EPSTI1: variants seen among roughly 807,000 people sequenced by gnomAD.
EPSTI1 encodes the protein epithelial stromal interaction 1.
In EPSTI1, 66 loss-of-function variants were observed where a neutral mutation model predicts 49.9. That is an observed-to-expected ratio of 1.32 (90% CI 1.08 to 1.62). The LOEUF (loss-of-function observed/expected upper bound fraction) is 1.62. EPSTI1 is among the 40% of genes most tolerant of loss of function. EPSTI1 has a pLI of 0.00. For synonymous variants in EPSTI1, 137 were observed against 130.7 expected (o/e 1.05, Z -0.33); for missense variants, 394 against 365.5 (o/e 1.08, Z -0.64).
intron 6 of EPSTI1, among the ~76,000 whole-genome samples, chr13:42,938,913 T>TTAAAAAAAAAAAAAAAA (rs2038655068): frequency 3.0e-4 from 1 of 3,308 alleles, no homozygotes; most frequent in Non-Finnish European, 5.9e-4. Flanking sequence ...AGACTCTGTC[T>TTAAAAAAAAAAAAAAAA]CAAAAAAAAA....
intron 5 of EPSTI1, among the ~76,000 whole-genome samples, chr13:42,955,112 T>C (rs1216714994): frequency 6.6e-6 from 1 of 152,148 alleles, no homozygotes; most frequent in Non-Finnish European, 1.5e-5. Context: ...AAATCAATTA[T>C]AAGGCAAGCA....
intron 1 of EPSTI1, 24 bp from the exon 2 acceptor site, chr13:42,970,694 G>C: frequency 1.3e-6 from 2 of 1,584,786 alleles, no homozygotes; most frequent in South Asian, 1.2e-5. Flanking sequence ...AAAAAAAAAT[G>C]CTTATTACCA....
At chr13:42,907,099 T>C (rs1488470537) in intron 8 of EPSTI1, among the ~76,000 whole-genome samples, 1 of 152,210 alleles carries the variant, frequency 6.6e-6, no homozygotes, top group Admixed American at 6.5e-5. Context: ...TCTTATCTAA[T>C]TGTAACTTTG....
At chr13:42,962,894 A>T (rs2039498266) in intron 5 of EPSTI1, among the ~76,000 whole-genome samples, 1 of 152,262 alleles carries the variant, frequency 6.6e-6, no homozygotes. Flanking sequence ...GATGGGTATT[A>T]AATGACAACG....
chr13:42,912,234 C>T (rs746009207), intron 8 of EPSTI1, among the ~76,000 whole-genome samples: 8 of 152,224 alleles, frequency 5.3e-5, no homozygotes, highest in Non-Finnish European at 8.8e-5. Context: ...AGTCCACCTG[C>T]TTCTGAAGGA....
At chr13:42,925,192 C>G (rs548274494) in intron 7 of EPSTI1, among the ~76,000 whole-genome samples, 1 of 152,198 alleles carries the variant, frequency 6.6e-6, no homozygotes, top group South Asian at 2.1e-4. Context: ...GATACAGAAG[C>G]CTTGGGGGGC....
chr13:42,889,545 A>G (rs552844267), intron 10 of EPSTI1, among the ~76,000 whole-genome samples: 18 of 152,302 alleles, frequency 1.2e-4, no homozygotes, highest in Non-Finnish European at 1.9e-4. Flanking sequence ...ATTGAGGCAT[A>G]GCTTTCCTCT....
chr13:42,889,222 C>T (rs777547704), intron 10 of EPSTI1: 3 of 1,560,360 alleles, frequency 1.9e-6, no homozygotes, highest in East Asian at 2.3e-5. Flanking sequence ...TTAGGTGCCT[C>T]GAAAAAACTA....
At chr13:42,990,958 G>A (rs1362737420) in intron 1 of EPSTI1, 1 of 152,234 alleles carries the variant, frequency 6.6e-6, no homozygotes, top group Non-Finnish European at 1.5e-5. Context: ...TAGAAAGAGA[G>A]GCTCATGACA....
chr13:42,960,682 G>T (rs1290710105), intron 5 of EPSTI1, among the ~76,000 whole-genome samples: 3 of 152,202 alleles, frequency 2.0e-5, no homozygotes, highest in Non-Finnish European at 4.4e-5. Context: ...GTGCCAGAAA[G>T]GCTGTGTTCC....
chr13:42,948,261 AGGCCTG>A (rs1443652214), intron 6 of EPSTI1, among the ~76,000 whole-genome samples: 1 of 152,212 alleles, frequency 6.6e-6, no homozygotes, highest in Non-Finnish European at 1.5e-5. Context: ...CTCTGCATCA[AGGCCTG>A]GGCCCTGCCA....
chr13:42,971,597 C>A (rs919399598), intron 1 of EPSTI1, among the ~76,000 whole-genome samples: 77 of 132,576 alleles, frequency 5.8e-4, no homozygotes, highest in African/African-American at 2.0e-3. Flanking sequence ...CAGCTTCTAA[C>A]TGTAGGATTT....
intron 8 of EPSTI1, among the ~76,000 whole-genome samples, chr13:42,906,320 G>A (rs1424515330): frequency 6.6e-6 from 1 of 152,222 alleles, no homozygotes; most frequent in Non-Finnish European, 1.5e-5. Context: ...ATGTGACAAG[G>A]TTAGAGGGAA....
intron 5 of EPSTI1, among the ~76,000 whole-genome samples, chr13:42,959,547 C>T (rs2039379718): frequency 6.6e-6 from 1 of 152,192 alleles, no homozygotes; most frequent in East Asian, 1.9e-4. Flanking sequence ...TAACATGTAC[C>T]TGTATGCAGC....
At chr13:42,889,748 G>A (rs2036972989) in intron 10 of EPSTI1, among the ~76,000 whole-genome samples, 1 of 152,102 alleles carries the variant, frequency 6.6e-6, no homozygotes, top group African/African-American at 2.4e-5. Context: ...ACTTTTGTAT[G>A]ATATTCTTTT....
intron 6 of EPSTI1, among the ~76,000 whole-genome samples, chr13:42,930,578 G>A (rs2038331124): frequency 6.6e-6 from 1 of 152,118 alleles, no homozygotes; most frequent in South Asian, 2.1e-4. Context: ...AATGCTGGGA[G>A]AACTTTGTGC....
chr13:42,984,011 T>C (rs2040035446), intron 1 of EPSTI1, among the ~76,000 whole-genome samples: 1 of 152,244 alleles, frequency 6.6e-6, no homozygotes, highest in Non-Finnish European at 1.5e-5. Context: ...ATAGTAGTAG[T>C]ATTAGTATCT....
chr13:42,930,677 A>G (rs556821519), intron 6 of EPSTI1, among the ~76,000 whole-genome samples: 1 of 152,340 alleles, frequency 6.6e-6, no homozygotes, highest in South Asian at 2.1e-4. Context: ...TTTTAATTGC[A>G]AAAGCAATAC....
At chr13:42,986,198 G>A (rs1313438883) in intron 1 of EPSTI1, among the ~76,000 whole-genome samples, 2 of 152,214 alleles carry the variant, frequency 1.3e-5, no homozygotes, top group African/African-American at 4.8e-5. Context: ...GCTCCCCACT[G>A]TAAGTTCTTC....
Sources: allele counts gnomAD v4.1 joint callset (sites outside exome capture counted in the v4.1 genomes callset), GRCh38; gene constraint gnomAD v4.1.1; transcripts MANE v1.5; gene names NCBI Gene and HGNC (gene_info 2026-07-23, HGNC 2026-07-21).